USP34: variants seen among roughly 807,000 people sequenced by gnomAD.
USP34 encodes the protein ubiquitin carboxyl-terminal hydrolase 34.
Under a neutral mutation model 460.3 loss-of-function variants are expected in USP34, and 70 were observed. The ratio of observed to expected loss-of-function variants is 0.15; its 90% confidence interval spans 0.13 to 0.19. The LOEUF (loss-of-function observed/expected upper bound fraction) is 0.19, where lower values mean the gene tolerates loss of function less well. Ranked by LOEUF, USP34 falls within the 10% of genes least tolerant of loss-of-function variation. The pLI is 1.00. For synonymous variants in USP34, 1,647 were observed against 1,405.3 expected, an observed-to-expected ratio of 1.17 and a Z score of -3.85; for missense variants, 3,985 against 4,236.2, an observed-to-expected ratio of 0.94 and a Z score of 1.65.
chr2:61,346,517 C>T, intron 15 of USP34, among the ~76,000 whole-genome samples: 1 of 114,372 alleles, frequency 8.7e-6, no homozygotes. Context: ...CAAAGTGAGA[C>T]CCTATCTCTT....
rs114997613 is a variant in USP34, at chr2:61,411,410, A to G, written c.132-5282T>C. 8.4e-3 allele frequency among the ~76,000 whole-genome samples: 1,282 copies of G among 152,114 alleles called. 19 individuals are homozygous for G. The highest frequency in any genetic ancestry group is 0.029 in the African/African-American group (1,198 of 41,500). ...AAAAAAAAAAGAAAAAAAAACTGAA[A>G]GCAAGATAAGTGAAATATATGACTT... On this transcript the variant is annotated intron_variant, in intron 2 of 79. Transcript: ENST00000398571.
chr2:61,376,024 GA>G (rs1476137937), intron 8 of USP34, among the ~76,000 whole-genome samples: 1 of 152,096 alleles, frequency 6.6e-6, no homozygotes, highest in Admixed American at 6.5e-5. Context: ...TAAATCTACA[GA>G]GACAGAAAGT....
chr2:61,204,306 G>A lies in USP34; in HGVS notation c.9334C>T (p.Arg3112Cys), dbSNP rs755261692. The change falls in exon 74 of 80, where the codon CGC becomes TGC. Residue 3112 changes from arginine to cysteine, a missense_variant. Coordinates refer to ENST00000398571, the MANE Select transcript of USP34 (RefSeq NM_014709.4). ...IGGKSNIRPP[R>C]PELNMCLLPT... is the part of the protein sequence containing the mutation. ...AAGAGGCACATATTGAGTTCAGGGC[G>A]CGGAGGCCGAATATTGCTTTTCCCT... 16 of 1,614,070 alleles carry A rather than the reference G, an allele frequency of 9.9e-6. No homozygotes were observed. The highest frequency in any genetic ancestry group is 1.6e-4 in the Middle Eastern group (1 of 6,084).
intron 43 of USP34, among the ~76,000 whole-genome samples, chr2:61,263,538 T>C (rs924032114): frequency 1.4e-5 from 2 of 144,914 alleles, no homozygotes; most frequent in Non-Finnish European, 3.0e-5. Flanking sequence ...CTGCAGTGCA[T>C]TGGCGCCATC....
rs563497445 is a variant in USP34, at chr2:61,416,822, G to T, written c.131+3924C>A. On this transcript the variant is annotated intron_variant, in intron 2 of 79. Transcript: ENST00000398571. ...TAACCTCCCTAATCTTTTTTTTTTT[G>T]GGGGGGGGGACAGGAAGTAGAATGT... is the stretch of plus-strand genomic sequence containing the variant. 2.4e-3 allele frequency: 509 copies of T among 214,364 alleles called. 13 individuals carry two copies. The highest frequency in any genetic ancestry group is 4.4e-3 in the Middle Eastern group (4 of 916). The allele number at this position is 214,364 out of a possible 1,614,324, so 13.3% of individuals were successfully genotyped here. A position where few individuals can be genotyped will look rare whatever the true frequency, so the allele number is the denominator to read the frequency against.
At chr2:61,289,613 A>G (rs1689788111) in intron 33 of USP34, among the ~76,000 whole-genome samples, 1 of 152,092 alleles carries the variant, frequency 6.6e-6, no homozygotes, top group South Asian at 2.1e-4. Flanking sequence ...ACATACCAGA[A>G]AGAAATGGTA....
intron 39 of USP34, 136 bp from the exon 40 acceptor site, chr2:61,278,579 C>A: frequency 7.8e-6 from 5 of 637,762 alleles, no homozygotes; most frequent in South Asian, 2.4e-5. Flanking sequence ...ACGTAATACA[C>A]CTACTCTTTA....
intron 29 of USP34, among the ~76,000 whole-genome samples, chr2:61,298,793 C>T (rs1690127972): frequency 6.6e-6 from 1 of 150,446 alleles, no homozygotes; most frequent in Non-Finnish European, 1.5e-5. Flanking sequence ...AAAAAAAAAT[C>T]ATTTAGGTCC....
chr2:61,322,449 T>C (rs986754582), intron 21 of USP34, among the ~76,000 whole-genome samples: 2 of 149,006 alleles, frequency 1.3e-5, no homozygotes, highest in African/African-American at 5.2e-5. Flanking sequence ...AGGGAAGGCA[T>C]TATAGGCAAT....
In USP34 at chr2:61,187,504, G is replaced by GCAAT. The variant is rs16348; in HGVS notation, c.*594_*597dup. On this transcript the variant is annotated 3_prime_UTR_variant, in exon 80 of 80. Coordinates refer to ENST00000398571, the MANE Select transcript of USP34 (RefSeq NM_014709.4). ...TCAGTTTAATTAAGTGCACAGAATA[G>GCAAT]CAATCAATCAATCAGTCATGTCAAT... 3.6e-5 allele frequency: 35 copies of GCAAT among 982,198 alleles called. No homozygotes were observed. The highest frequency in any genetic ancestry group is 3.4e-4 in the East Asian group (3 of 8,906). 60.8% of individuals were successfully genotyped at this position (982,198 alleles called of 1,614,324 possible). A position where few individuals can be genotyped will look rare whatever the true frequency, so the allele number is the denominator to read the frequency against.
intron 65 of USP34, 30 bp from the exon 66 acceptor site, chr2:61,221,636 A>T (rs1687589343): frequency 6.3e-7 from 1 of 1,592,702 alleles, no homozygotes; most frequent in African/African-American, 1.3e-5. Flanking sequence ...CTGTGTATTT[A>T]GATCAATCTG....
At chr2:61,404,078 T>C (rs898312574) in intron 3 of USP34, among the ~76,000 whole-genome samples, 6 of 145,026 alleles carry the variant, frequency 4.1e-5, no homozygotes, top group Non-Finnish European at 3.0e-5. Context: ...GCCAAGTAGG[T>C]GACTTGTGTG....
chr2:61,195,518 A>T (rs985060217), intron 75 of USP34, among the ~76,000 whole-genome samples: 8 of 151,704 alleles, frequency 5.3e-5, no homozygotes, highest in African/African-American at 1.9e-4. Context: ...CTAAAAATAC[A>T]AAAATTAGCC....
At chr2:61,450,646 C>G (rs1456210642) in intron 1 of USP34, among the ~76,000 whole-genome samples, 4 of 151,824 alleles carry the variant, frequency 2.6e-5, no homozygotes, top group Non-Finnish European at 5.9e-5. Flanking sequence ...TAAAGATGTG[C>G]AAATATACCA....
chr2:61,392,129 A>T (rs1216277316), intron 5 of USP34, among the ~76,000 whole-genome samples: 1 of 152,182 alleles, frequency 6.6e-6, no homozygotes, highest in Non-Finnish European at 1.5e-5. Flanking sequence ...GTAAAGGATA[A>T]CTTCACAGGT....
At chr2:61,348,506 A>C in intron 14 of USP34, 26 bp from the exon 15 acceptor site, 1 of 1,590,254 alleles carries the variant, frequency 6.3e-7, no homozygotes, top group Non-Finnish European at 8.5e-7. Context: ...AATAGATTTA[A>C]ATAAATATTT....
chr2:61,465,462 C>T (rs1295774994), intron 1 of USP34, among the ~76,000 whole-genome samples: 1 of 152,240 alleles, frequency 6.6e-6, no homozygotes, highest in Non-Finnish European at 1.5e-5. Flanking sequence ...AAACATTCCA[C>T]ATTAAGTCCT....
intron 21 of USP34, among the ~76,000 whole-genome samples, chr2:61,321,271 G>C (rs1321467643): frequency 6.6e-6 from 1 of 151,868 alleles, no homozygotes; most frequent in Non-Finnish European, 1.5e-5. Context: ...AGGAGATCAA[G>C]ACCATCCTGG....
chr2:61,409,323 G>GA (rs1416422493), intron 2 of USP34, among the ~76,000 whole-genome samples: 3 of 152,190 alleles, frequency 2.0e-5, no homozygotes, highest in Non-Finnish European at 4.4e-5. Flanking sequence ...GAGGCAGGCA[G>GA]ATCATTTACT....
Sources: allele counts gnomAD v4.1 joint callset (sites outside exome capture counted in the v4.1 genomes callset), GRCh38; gene constraint gnomAD v4.1.1; transcripts MANE v1.5; gene names NCBI Gene and HGNC (gene_info 2026-07-23, HGNC 2026-07-21).